LARGE1: variants seen among roughly 807,000 people sequenced by gnomAD.
LARGE1 encodes the protein xylosyl- and glucuronyltransferase LARGE1.
In LARGE1, 43 loss-of-function variants were observed where a neutral mutation model predicts 87.6. The observed-to-expected ratio is 0.49, with a 90% CI of 0.38 to 0.63. The LOEUF is 0.63. Among genes scored for constraint, LARGE1 ranks in the 30% least tolerant of loss-of-function variants. LARGE1 has a pLI of 0.00. For synonymous variants in LARGE1, 434 were observed against 394.6 expected (o/e 1.10, Z -1.18); for missense variants, 802 against 1,000.2 (o/e 0.80, Z 2.67).
intron 13 of LARGE1, among the ~76,000 whole-genome samples, chr22:33,279,024 C>T (rs915434042): frequency 6.6e-6 from 1 of 152,072 alleles, no homozygotes; most frequent in Non-Finnish European, 1.5e-5. Flanking sequence ...GGCTGGGTCA[C>T]CTCTCTTATA....
chr22:33,349,672 A>C (rs1396410703), intron 9 of LARGE1, among the ~76,000 whole-genome samples: 2 of 152,072 alleles, frequency 1.3e-5, no homozygotes, highest in Non-Finnish European at 2.9e-5. Flanking sequence ...AATTCCTGAC[A>C]ATTATCAGGT....
At chr22:33,709,406 T>C (rs1198335564) in intron 2 of LARGE1, among the ~76,000 whole-genome samples, 1 of 152,146 alleles carries the variant, frequency 6.6e-6, no homozygotes, top group African/African-American at 2.4e-5. Flanking sequence ...CAGAGGGTCA[T>C]GGATCTAAAA....
intron 1 of LARGE1, among the ~76,000 whole-genome samples, chr22:33,804,311 G>A (rs1380596532): frequency 1.3e-5 from 2 of 152,122 alleles, no homozygotes; most frequent in Non-Finnish European, 2.9e-5. Flanking sequence ...AATAGCCAAC[G>A]TATATGCAAA....
chr22:33,658,592 T>TC (rs2081035674), intron 2 of LARGE1, among the ~76,000 whole-genome samples: 1 of 152,240 alleles, frequency 6.6e-6, no homozygotes, highest in African/African-American at 2.4e-5. Context: ...TCCAGCTTCA[T>TC]CCATGTTCAT....
chr22:33,607,983 T>G (rs927374064), intron 4 of LARGE1, among the ~76,000 whole-genome samples: 4 of 152,158 alleles, frequency 2.6e-5, no homozygotes, highest in Non-Finnish European at 5.9e-5. Flanking sequence ...GCCTTGGTGA[T>G]GCTTGGTGGC....
At chr22:33,892,988 A>G (rs979973270) in intron 1 of LARGE1, among the ~76,000 whole-genome samples, 3 of 152,234 alleles carry the variant, frequency 2.0e-5, no homozygotes, top group Non-Finnish European at 4.4e-5. Flanking sequence ...GAAGGTGAAT[A>G]GGTGACTTTG....
intron 1 of LARGE1, among the ~76,000 whole-genome samples, chr22:33,799,485 G>A (rs1453768221): frequency 6.6e-6 from 1 of 152,006 alleles, no homozygotes; most frequent in Non-Finnish European, 1.5e-5. Flanking sequence ...TTGTTGCACA[G>A]GCTGGAGGGC....
At chr22:33,231,249 T>C (rs187447576) in intron 11 of LARGE1, among the ~76,000 whole-genome samples, 33 of 152,330 alleles carry the variant, frequency 2.2e-4, no homozygotes, top group African/African-American at 7.2e-4. Flanking sequence ...CCCTCAACTC[T>C]GGGTTGTGAC....
intron 2 of LARGE1, among the ~76,000 whole-genome samples, chr22:33,680,053 G>A (rs1352319328): frequency 6.6e-6 from 1 of 152,138 alleles, no homozygotes; most frequent in Non-Finnish European, 1.5e-5. Context: ...TTCAAATGGA[G>A]GGGATCACAT....
chr22:33,796,453 T>C (rs943391439), intron 1 of LARGE1, among the ~76,000 whole-genome samples: 4 of 152,158 alleles, frequency 2.6e-5, no homozygotes, highest in African/African-American at 7.2e-5. Flanking sequence ...TGAACCTCTT[T>C]TGAGCCCCCG....
At position 33,693,166 on chromosome 22, in the gene LARGE1, C is replaced by T. The variant is rs528427042; in HGVS notation, c.107-42498G>A. ...CAAGAACAGAAAACCAAACACCACA[C>T]GTTTTCACTTACAAGTGAGAGCTAA... On this transcript the variant is annotated intron_variant, in intron 2 of 14. Transcript: ENST00000397394. Among the ~76,000 whole-genome samples, 493 of 152,226 alleles carry T rather than the reference C, an allele frequency of 3.2e-3. 2 individuals carry two copies. Among genetic ancestry groups the T allele is most frequent in the Non-Finnish European group, 3.8e-3 (258 of 68,014 alleles).
intron 2 of LARGE1, among the ~76,000 whole-genome samples, chr22:33,662,699 T>C (rs1037490505): frequency 6.6e-6 from 1 of 152,056 alleles, no homozygotes; most frequent in Admixed American, 6.6e-5. Flanking sequence ...TCCAACGGCA[T>C]GAGTAGCTGC....
intron 1 of LARGE1, among the ~76,000 whole-genome samples, chr22:33,793,778 C>T (rs73170593): frequency 0.023 from 3,234 of 137,700 alleles, 59 homozygotes; most frequent in Middle Eastern, 0.051. Flanking sequence ...ATAAGGCAAG[C>T]ACCCCCCAAC....
At chr22:33,609,245 A>C (rs1392304909) in intron 4 of LARGE1, among the ~76,000 whole-genome samples, 1 of 152,220 alleles carries the variant, frequency 6.6e-6, no homozygotes, top group African/African-American at 2.4e-5. Context: ...CAAACGTCAG[A>C]ACATGGATGC....
chr22:33,289,157 A>G (rs11913710), intron 12 of LARGE1, among the ~76,000 whole-genome samples: 1 of 151,950 alleles, frequency 6.6e-6, no homozygotes, highest in Non-Finnish European at 1.5e-5. Context: ...ACAGGTTTTC[A>G]CCGTGTTAGC....
At chr22:33,572,604 A>C (rs2078238879) in intron 5 of LARGE1, among the ~76,000 whole-genome samples, 2 of 152,196 alleles carry the variant, frequency 1.3e-5, no homozygotes, top group Non-Finnish European at 2.9e-5. Flanking sequence ...AGTGTTTAAA[A>C]TGACACATGC....
chr22:33,876,854 T>C (rs929115168), intron 1 of LARGE1, among the ~76,000 whole-genome samples: 2 of 149,880 alleles, frequency 1.3e-5, no homozygotes, highest in Non-Finnish European at 3.0e-5. Context: ...AAAATAAAAA[T>C]GTACTGGAAA....
At position 33,282,024 on chromosome 22, in the gene LARGE1, A is replaced by G. The variant is rs1009140455; in HGVS notation, c.1877+1178T>C. The stretch of plus-strand genomic sequence containing the variant: ...TCCAGGAAGTGTTGGCCATTCTGAC[A>G]TCATTCACAAGGGTGGCCTCACTTT... On this transcript the variant is annotated intron_variant, in intron 13 of 14. Transcript: ENST00000397394. Among the ~76,000 whole-genome samples, 5 of 152,332 alleles carry G rather than the reference A, an allele frequency of 3.3e-5. No homozygotes were observed. In the South Asian group the frequency reaches 1.0e-3, roughly 32 times the overall value.
At chr22:33,755,934 T>C (rs1039774390) in intron 2 of LARGE1, among the ~76,000 whole-genome samples, 3 of 152,150 alleles carry the variant, frequency 2.0e-5, no homozygotes, top group Admixed American at 6.5e-5. Context: ...TGTTTCCACA[T>C]GGGATCTGGC....
Sources: allele counts gnomAD v4.1 joint callset (sites outside exome capture counted in the v4.1 genomes callset), GRCh38; gene constraint gnomAD v4.1.1; transcripts MANE v1.5; gene names NCBI Gene and HGNC (gene_info 2026-07-23, HGNC 2026-07-21).